SLC16A8: variants seen among roughly 807,000 people sequenced by gnomAD.
The protein encoded by SLC16A8 is solute carrier family 16 member 8.
SLC16A8 carries 20 observed loss-of-function variants against 22.4 expected under a neutral mutation model. That is an observed-to-expected ratio of 0.89 (90% CI 0.63 to 1.30). The LOEUF (loss-of-function observed/expected upper bound fraction) is 1.30. Among genes scored for constraint, SLC16A8 ranks in the 50% most tolerant of loss-of-function variants. The probability of loss-of-function intolerance (pLI) is 0.00; values close to 1 mark genes in which losing one functional copy is unlikely to be tolerated. For synonymous variants in SLC16A8, 393 were observed against 358.8 expected, an observed-to-expected ratio of 1.10 and a Z score of -1.08; for missense variants, 817 against 740.3, an observed-to-expected ratio of 1.10 and a Z score of -1.20.
Position 38,081,635 on chromosome 22 carries a change from C to G in SLC16A8, c.403G>C (p.Gly135Arg). ...LNFQPSLIML[G>R]LYFERRRPLA... ...GGCCGCCGCCGCTCGAAGTACAGCC[C>G]CAGCATGATGAGCGACGGCTGGAAG... Residue 135 changes from glycine to arginine, a missense_variant, in exon 5 of 6, where the codon GGG becomes CGG. By Grantham distance (125) the Gly-to-Arg change is moderately radical (BLOSUM62 -2). Transcript: ENST00000681075. 2 of 1,528,748 alleles carry G rather than the reference C, an allele frequency of 1.3e-6. No individual in the cohort carries two copies. Among genetic ancestry groups the G allele is most frequent in the Non-Finnish European group, 1.8e-6 (2 of 1,142,836 alleles). The allele number at this position is 1,528,748 out of a possible 1,614,324, so 94.7% of individuals were successfully genotyped here. A position where few individuals can be genotyped will look rare whatever the true frequency, so the allele number is the denominator to read the frequency against.
In SLC16A8 at chr22:38,080,892, G is replaced by T; in HGVS notation, c.1146C>A (p.Gly382=). The T allele has an allele frequency of 6.4e-7, 1 of 1,561,350 alleles. No individual in the cohort carries two copies. The change falls in exon 5 of 6, where the codon GGC becomes GGA. Residue 382 remains glycine, a synonymous_variant. Transcript: ENST00000681075. ...VGAPRFPSAL[G]LVLLVEAAAV... is the part of the protein sequence containing the mutation. ...CCGCGGCCTCCACGAGCAACACCAG[G>T]CCCAGCGCACTGGGGAAGCGGGGCG...
chr22:38,081,184 T>A lies in SLC16A8; in HGVS notation c.854A>T (p.Asp285Val). The change falls in exon 5 of 6, where the codon GAC becomes GTC. Residue 285 changes from aspartate to valine, a missense_variant. Physicochemically the swap from Asp to Val is radical, Grantham distance 152. Coordinates refer to ENST00000681075, the MANE Select transcript of SLC16A8 (RefSeq NM_013356.3). Reference protein sequence around the residue: ...VNYAKDAGVPDTDAAFLLSIV... With the variant: ...VNYAKDAGVPVTDAAFLLSIV... ...GGACAGCAGGAAGGCGGCGTCGGTG[T>A]CGGGCACGCCCGCGTCCTTGGCGTA... The A allele has an allele frequency of 6.4e-7, 1 of 1,555,976 alleles. No homozygotes were observed. The highest frequency in any genetic ancestry group is 1.2e-5 in the South Asian group (1 of 84,728).
Position 38,081,981 on chromosome 22 carries a change from A to G in SLC16A8, c.266T>C (p.Leu89Pro), listed in dbSNP as rs2085925292. 1.3e-6 allele frequency: 2 copies of G among 1,571,578 alleles called. No individual in the cohort carries two copies. Among genetic ancestry groups the G allele is most frequent in the Admixed American group, 1.9e-5 (1 of 53,808 alleles). The change falls in exon 4 of 6, where the codon CTG becomes CCG. Residue 89 changes from leucine (L) to proline (P), a missense_variant. Leu to Pro is a moderately conservative substitution (Grantham distance 98). Transcript: ENST00000681075. ...VTRFGCRPVM[L>P]AGGLLASAGM... The stretch of plus-strand genomic sequence containing the variant: ...CGCGGAAGCCAGCAGCCCACCCGCC[A>G]GCATCACCGGGCGACAGCCAAAGCG...
Position 38,078,517 on chromosome 22 carries a change from G to A in SLC16A8, c.1386C>T (p.Asp462=). The change falls in exon 6 of 6, where the codon GAC becomes GAT. Residue 462 remains aspartate, a synonymous_variant. Transcript: ENST00000681075. ...CTGCAACAACAGGCAGGGGCTCAGA[G>A]TCCCCTTCAGCCTCAGCGTCCTCAG... ...SDTEDAEAEG[D]SEPLPVVAEE... is the part of the protein sequence containing the mutation. 6.2e-7 allele frequency: 1 copy of A among 1,614,210 alleles called. No individual in the cohort carries two copies. The highest frequency in any genetic ancestry group is 8.5e-7 in the Non-Finnish European group (1 of 1,180,048).
chr22:38,081,988 C>T lies in SLC16A8; in HGVS notation c.259G>A (p.Val87Met), dbSNP rs1185688403. 6.4e-7 allele frequency: 1 copy of T among 1,574,284 alleles called. No homozygotes were observed. Among genetic ancestry groups the T allele is most frequent in the Non-Finnish European group, 8.6e-7 (1 of 1,160,322 alleles). ...GCCAGCAGCCCACCCGCCAGCATCA[C>T]CGGGCGACAGCCAAAGCGGGTCACG... is the stretch of plus-strand genomic sequence containing the variant. ...ILVTRFGCRPVMLAGGLLASA... is the reference protein window; with the variant it reads ...ILVTRFGCRPMMLAGGLLASA... The change falls in exon 4 of 6, where the codon GTG becomes ATG. Residue 87 changes from valine (V) to methionine (M), a missense_variant. Transcript: ENST00000681075.
At chr22:38,078,859 A>G (rs1412459399) in intron 5 of SLC16A8, among the ~76,000 whole-genome samples, 155 bp from the exon 6 acceptor site, 1 of 152,208 alleles carries the variant, frequency 6.6e-6, no homozygotes, top group Non-Finnish European at 1.5e-5. Flanking sequence ...TACAGATGTA[A>G]AACCTCATGT....
At chr22:38,080,815 C>A in intron 5 of SLC16A8, 25 bp downstream of exon 5, 1 of 1,465,608 alleles carries the variant, frequency 6.8e-7, no homozygotes, top group Non-Finnish European at 9.0e-7. Flanking sequence ...CTAGGCTCGC[C>A]ACCCCCTCTT....
rs774936111 is a variant in SLC16A8 at position 38,081,929 on chromosome 22, C to T, written c.318G>A (p.Thr106=). The T allele has an allele frequency of 1.9e-6, 3 of 1,576,104 alleles. No homozygotes were observed. Among genetic ancestry groups the T allele is most frequent in the South Asian group, 2.3e-5 (2 of 85,996 alleles). The change falls in exon 4 of 6, where the codon ACG becomes ACA. Residue 106 remains threonine, a synonymous_variant. Transcript: ENST00000681075. The part of the protein sequence containing the change: ...SAGMILASFA[T]RLLELYLTAG... ...CGGTCAGGTAGAGCTCCAGGAGGCG[C>T]GTGGCAAAGGAAGCTAGGATCATGC...
chr22:38,078,781 A>C lies in SLC16A8; in HGVS notation c.1199-77T>G. The C allele has an allele frequency of 2.9e-6, 4 of 1,362,448 alleles. No homozygotes were observed. The South Asian group carries it at 5.4e-5, about 18-fold the overall frequency. The allele number at this position is 1,362,448 out of a possible 1,614,324, so 84.4% of individuals were successfully genotyped here. A position where few individuals can be genotyped will look rare whatever the true frequency, so the allele number is the denominator to read the frequency against. On this transcript the variant is annotated intron_variant, in intron 5 of 5. Coordinates refer to ENST00000681075, the MANE Select transcript of SLC16A8 (RefSeq NM_013356.3). Reference sequence around the variant, plus strand: ...CCTCACTCTCCTGCACTCTCAGGTCAAGGGTGGTGCCACTGACTTGGTGAG... The same window carrying C: ...CCTCACTCTCCTGCACTCTCAGGTCCAGGGTGGTGCCACTGACTTGGTGAG...
At position 38,080,891 on chromosome 22, in the gene SLC16A8, G is replaced by C; in HGVS notation, c.1147C>G (p.Leu383Val). Residue 383 changes from leucine to valine, a missense_variant, in exon 5 of 6, where the codon CTG (leucine) becomes GTG (valine). Coordinates refer to ENST00000681075, the MANE Select transcript of SLC16A8 (RefSeq NM_013356.3). ...GCCGCGGCCTCCACGAGCAACACCA[G>C]GCCCAGCGCACTGGGGAAGCGGGGC... is the stretch of plus-strand genomic sequence containing the variant. ...GAPRFPSALG[L>V]VLLVEAAAVL... The C allele has an allele frequency of 6.4e-7, 1 of 1,560,798 alleles. No homozygotes were observed.
In SLC16A8 at chr22:38,080,942, C is replaced by CG; in HGVS notation, c.1095dup (p.Glu366ArgfsTer45). Reference sequence around the variant, plus strand: ...GCGCCCACAGCCGCCATGAGCACCTCGAACTGCAGCGCGCCCACCATGCCG... The same window carrying CG: ...GCGCCCACAGCCGCCATGAGCACCTCGGAACTGCAGCGCGCCCACCATGCCG... On this transcript the variant is annotated frameshift_variant, in exon 5 of 6. Coordinates refer to ENST00000681075, the MANE Select transcript of SLC16A8 (RefSeq NM_013356.3). LOFTEE classifies it high-confidence loss of function. 1 of 1,586,818 alleles carries CG rather than the reference C, an allele frequency of 6.3e-7. No individual in the cohort carries two copies. Among genetic ancestry groups the CG allele is most frequent in the Non-Finnish European group, 8.5e-7 (1 of 1,172,486 alleles).
Position 38,078,613 on chromosome 22 carries a change from G to A in SLC16A8, c.1290C>T (p.Ala430=), listed in dbSNP as rs149067515. Residue 430 remains alanine (A), a synonymous_variant, in exon 6 of 6, where the codon GCC becomes GCT. Transcript: ENST00000681075. ...VALAGVFMAV[A]TNCCLRCAKA... ...TAGCACAACGCAGGCAGCAGTTGGTGGCGACAGCCATGAAGACCCCAGCCA... is the reference window on the plus strand; with the variant it reads ...TAGCACAACGCAGGCAGCAGTTGGTAGCGACAGCCATGAAGACCCCAGCCA... 6.2e-6 allele frequency: 10 copies of A among 1,613,904 alleles called. No individual in the cohort carries two copies. In the African/African-American group the frequency reaches 1.3e-4, roughly 22 times the overall value.
At chr22:38,079,934 T>C (rs2085892310) in intron 5 of SLC16A8, among the ~76,000 whole-genome samples, 1 of 152,054 alleles carries the variant, frequency 6.6e-6, no homozygotes, top group Non-Finnish European at 1.5e-5. Flanking sequence ...CTGGGTCAGG[T>C]GGGATGACAG....
intron 5 of SLC16A8, among the ~76,000 whole-genome samples, chr22:38,079,963 G>A (rs1437722937): frequency 2.0e-5 from 3 of 152,194 alleles, no homozygotes; most frequent in African/African-American, 2.4e-5. Context: ...GAGGGCACTC[G>A]ATTAGCCCAG....
chr22:38,079,920 C>T (rs2085892214), intron 5 of SLC16A8, among the ~76,000 whole-genome samples: 2 of 152,192 alleles, frequency 1.3e-5, no homozygotes, highest in Admixed American at 6.5e-5. Flanking sequence ...CTTTGCCGTT[C>T]TCACTGGGTC....
In SLC16A8 at chr22:38,078,502, A is replaced by C; in HGVS notation, c.1401T>G (p.Pro467=). The change falls in exon 6 of 6, where the codon CCT becomes CCG. Residue 467 remains proline (P), a synonymous_variant. Transcript: ENST00000681075. ...GGTTGCCGGGTTCCTCTGCAACAAC[A>C]GGCAGGGGCTCAGAGTCCCCTTCAG... ...AEAEGDSEPL[P]VVAEEPGNLE... 6.2e-7 allele frequency: 1 copy of C among 1,614,154 alleles called. No homozygotes were observed. The highest frequency in any genetic ancestry group is 2.2e-5 in the East Asian group (1 of 44,874).
chr22:38,081,538 A>C lies in SLC16A8; in HGVS notation c.500T>G (p.Leu167Arg), dbSNP rs1322385804. ...LSALSPLGQQ[L>R]LERFGWRGGF... ...GCCGCGCCAGCCGAAGCGCTCCAGC[A>C]GCTGCTGGCCGAGCGGCGACAGCGC... The change falls in exon 5 of 6, where the codon CTG (leucine) becomes CGG (arginine). Residue 167 changes from leucine to arginine, a missense_variant. Physicochemically the swap from Leu to Arg is moderately radical, Grantham distance 102. Transcript: ENST00000681075. 1 of 1,468,310 alleles carries C rather than the reference A, an allele frequency of 6.8e-7. No homozygotes were observed. Among genetic ancestry groups the C allele is most frequent in the Admixed American group, 2.6e-5 (1 of 38,850 alleles). 91.0% of individuals were successfully genotyped at this position (1,468,310 alleles called of 1,614,324 possible).
chr22:38,078,716 G>C lies in SLC16A8; in HGVS notation c.1199-12C>G. ...ATCCACCAGGCGGCCTGGGGAGGAGGAGGAAGAGGAGGGAGAGGTAAGGTC... is the reference window on the plus strand; with the variant it reads ...ATCCACCAGGCGGCCTGGGGAGGAGCAGGAAGAGGAGGGAGAGGTAAGGTC... On this transcript the variant is annotated splice_polypyrimidine_tract_variant and intron_variant, in intron 5 of 5. Transcript: ENST00000681075. The C allele has an allele frequency of 6.3e-7, 1 of 1,599,198 alleles. No individual in the cohort carries two copies. Among genetic ancestry groups the C allele is most frequent in the East Asian group, 2.2e-5 (1 of 44,460 alleles).
At chr22:38,080,684 G>A (rs2085900989) in intron 5 of SLC16A8, among the ~76,000 whole-genome samples, 156 bp downstream of exon 5, 1 of 152,168 alleles carries the variant, frequency 6.6e-6, no homozygotes, top group African/African-American at 2.4e-5. Context: ...CGGGCGGTCC[G>A]GCTTGGAGGA....
Sources: allele counts gnomAD v4.1 joint callset (sites outside exome capture counted in the v4.1 genomes callset), GRCh38; gene constraint gnomAD v4.1.1; transcripts MANE v1.5; gene names NCBI Gene and HGNC (gene_info 2026-07-23, HGNC 2026-07-21).